FRMD3: variants seen among roughly 807,000 people sequenced by gnomAD.
FRMD3 encodes FERM domain-containing protein 3.
Under a neutral mutation model 70.2 loss-of-function variants are expected in FRMD3, and 33 were observed. The observed-to-expected ratio is 0.47, with a 90% CI of 0.36 to 0.63. The LOEUF is 0.63. Among genes scored for constraint, FRMD3 ranks in the 20% least tolerant of loss-of-function variants. The probability of loss-of-function intolerance (pLI) is 0.00; values close to 1 mark genes in which losing one functional copy is unlikely to be tolerated. For synonymous variants in FRMD3, 279 were observed against 255.9 expected, an observed-to-expected ratio of 1.09 and a Z score of -0.86; for missense variants, 632 against 711.4, an observed-to-expected ratio of 0.89 and a Z score of 1.27.
chr9:83,349,890 G>C, intron 3 of FRMD3, 133 bp from the exon 4 acceptor site: 3 of 534,032 alleles, frequency 5.6e-6, no homozygotes, highest in Non-Finnish European at 6.7e-6. Context: ...GATTGTTTTG[G>C]AAGAAGCAGA....
At chr9:83,454,437 G>T (rs1187836344) in intron 1 of FRMD3, among the ~76,000 whole-genome samples, 1 of 152,144 alleles carries the variant, frequency 6.6e-6, no homozygotes, top group Non-Finnish European at 1.5e-5. Context: ...ACCCACATTT[G>T]CCATCTTAAC....
chr9:83,403,286 C>T (rs1411342956), intron 1 of FRMD3, among the ~76,000 whole-genome samples: 1 of 152,176 alleles, frequency 6.6e-6, no homozygotes, highest in East Asian at 1.9e-4. Context: ...ACATCCCTAA[C>T]TTCCCTAATG....
chr9:83,352,540 C>T (rs1824195287), intron 3 of FRMD3, among the ~76,000 whole-genome samples: 3 of 152,168 alleles, frequency 2.0e-5, no homozygotes, highest in Non-Finnish European at 4.4e-5. Context: ...CCCAGTTCTC[C>T]TCACTTCAAG....
the FRMD3 span, among the ~76,000 whole-genome samples, chr9:83,556,041 C>T: frequency 6.6e-6 from 1 of 152,054 alleles, no homozygotes; most frequent in Non-Finnish European, 1.5e-5. Flanking sequence ...GACCCAATGC[C>T]CAATGGACGT....
chr9:83,545,852 A>G, the FRMD3 span, among the ~76,000 whole-genome samples: 1 of 152,212 alleles, frequency 6.6e-6, no homozygotes, highest in Non-Finnish European at 1.5e-5. Context: ...AGAAGCTCAG[A>G]GAACTCCTAG....
chr9:83,518,826 G>T (rs955946403), intron 1 of FRMD3, among the ~76,000 whole-genome samples: 8 of 152,284 alleles, frequency 5.3e-5, no homozygotes, highest in African/African-American at 1.9e-4. Context: ...AGAGGCCTCA[G>T]AAATAATACC....
At chr9:83,304,648 A>G (rs985123657) in intron 10 of FRMD3, among the ~76,000 whole-genome samples, 1 of 152,250 alleles carries the variant, frequency 6.6e-6, no homozygotes, top group Non-Finnish European at 1.5e-5. Context: ...AATTGGGAAC[A>G]CAGTGTCATA....
At chr9:83,305,945 A>G (rs1835118388) in intron 10 of FRMD3, among the ~76,000 whole-genome samples, 1 of 152,224 alleles carries the variant, frequency 6.6e-6, no homozygotes, top group African/African-American at 2.4e-5. Context: ...TACCTAGTTC[A>G]TGATAAAATT....
chr9:83,538,175 G>C lies in FRMD3; in HGVS notation c.57C>G (p.His19Gln). 6.2e-7 allele frequency: 1 copy of C among 1,610,852 alleles called. No homozygotes were observed. Among genetic ancestry groups the C allele is most frequent in the Non-Finnish European group, 8.5e-7 (1 of 1,178,528 alleles). ...GCGATTTGACGCTGGAGCTCCGAAA[G>C]TGGATCATTTTCATGGTCCTCCTGC... ...PRGRRTMKMI[H>Q]FRSSSVKSLS... Residue 19 changes from histidine to glutamine, a missense_variant, in exon 1 of 14, where the codon CAC becomes CAG. Physicochemically the swap from His to Gln is conservative, Grantham distance 24. This residue lies in a region of FRMD3 where 208 missense variants were observed against 247.7 expected (regional missense o/e 0.84). Coordinates refer to ENST00000304195, the MANE Select transcript of FRMD3 (RefSeq NM_174938.6). The surrounding 1 kb of genome is among the most constrained non-coding windows in gnomAD (Gnocchi z 4.7).
intron 3 of FRMD3, among the ~76,000 whole-genome samples, chr9:83,363,649 G>A (rs1182252877): frequency 6.6e-6 from 1 of 150,864 alleles, no homozygotes; most frequent in Non-Finnish European, 1.5e-5. Flanking sequence ...CGCCCCCCGG[G>A]GTTCACGCCA....
At chr9:83,481,851 G>A (rs539654126) in intron 1 of FRMD3, among the ~76,000 whole-genome samples, 20 of 151,910 alleles carry the variant, frequency 1.3e-4, no homozygotes, top group Non-Finnish European at 2.5e-4. Flanking sequence ...ACCAAGAGGG[G>A]GACTGTAGTG....
intron 3 of FRMD3, chr9:83,350,788 A>T: frequency 1.1e-6 from 1 of 949,014 alleles, no homozygotes; most frequent in Non-Finnish European, 1.3e-6. Flanking sequence ...ATTTGCCTCA[A>T]ATATCCAGAA....
the FRMD3 span, among the ~76,000 whole-genome samples, chr9:83,568,319 G>A: frequency 6.6e-6 from 1 of 152,278 alleles, no homozygotes; most frequent in African/African-American, 2.4e-5. Context: ...TAGAGATTTA[G>A]GTGGGGACAC....
At chr9:83,561,546 C>T in the FRMD3 span, among the ~76,000 whole-genome samples, 1 of 152,164 alleles carries the variant, frequency 6.6e-6, no homozygotes, top group African/African-American at 2.4e-5. Flanking sequence ...ATCTGCAAAT[C>T]CTAAACAATT....
chr9:83,345,971 A>ATT (rs1823944077), intron 4 of FRMD3, among the ~76,000 whole-genome samples: 1 of 151,916 alleles, frequency 6.6e-6, no homozygotes, highest in Non-Finnish European at 1.5e-5. Flanking sequence ...GAAAGTGAAA[A>ATT]CAGGGCAGGG....
intron 1 of FRMD3, among the ~76,000 whole-genome samples, chr9:83,473,956 C>T (rs10746709): frequency 0.68 from 104,059 of 152,102 alleles, 35,956 homozygotes; most frequent in African/African-American, 0.76. Context: ...ACTTCTGGCT[C>T]TAAATTTTCT....
chr9:83,485,341 A>G (rs557364435), intron 1 of FRMD3, among the ~76,000 whole-genome samples: 25 of 152,360 alleles, frequency 1.6e-4, no homozygotes, highest in Non-Finnish European at 2.9e-4. Context: ...TAAATAATTC[A>G]GCAAGCACAT....
intron 13 of FRMD3, among the ~76,000 whole-genome samples, chr9:83,288,199 G>A (rs1834290589): frequency 6.6e-6 from 1 of 152,146 alleles, no homozygotes; most frequent in Admixed American, 6.5e-5. Context: ...TTATAAATCT[G>A]AGAAGTGTAA....
chr9:83,363,216 C>T lies in FRMD3; in HGVS notation c.295+9697G>A, dbSNP rs566914140. Reference sequence around the variant, plus strand: ...GAGGTAACCACAGTTAAGTATACATCTTTCCAGTTCTTCTTCTACACGCTA... The same window carrying T: ...GAGGTAACCACAGTTAAGTATACATTTTTCCAGTTCTTCTTCTACACGCTA... On this transcript the variant is annotated intron_variant, in intron 3 of 13. Transcript: ENST00000304195. Among the ~76,000 whole-genome samples the T allele has an allele frequency of 2.6e-5, 4 of 152,246 alleles. No homozygotes were observed. The South Asian group carries it at 6.2e-4, about 24-fold the overall frequency.
Sources: allele counts gnomAD v4.1 joint callset (sites outside exome capture counted in the v4.1 genomes callset), GRCh38; gene constraint gnomAD v4.1.1; regional missense constraint gnomAD v4.1.1; non-coding constraint Gnocchi (gnomAD v3.1); transcripts MANE v1.5; gene names NCBI Gene and HGNC (gene_info 2026-07-23, HGNC 2026-07-21).